The following CTBP2 variants were observed in gnomAD, a reference collection of about 807,000 sequenced individuals.
CTBP2 encodes the protein C-terminal-binding protein 2.
Under a neutral mutation model 80.3 loss-of-function variants are expected in CTBP2, and 30 were observed. The ratio of observed to expected loss-of-function variants is 0.37; its 90% confidence interval spans 0.28 to 0.51. CTBP2 has a LOEUF of 0.51. CTBP2 is among the 20% of genes least tolerant of loss of function. CTBP2 has a pLI of 0.93. For missense variants in CTBP2, 1,212 were observed against 1,375.3 expected (o/e 0.88, Z 1.88); for synonymous variants, 594 against 587.4 (o/e 1.01, Z -0.16).
intron 1 of CTBP2, among the ~76,000 whole-genome samples, chr10:125,159,148 C>T (rs1037241365): frequency 3.3e-5 from 5 of 151,072 alleles, no homozygotes; most frequent in African/African-American, 9.7e-5. Context: ...CGCGCGGGGC[C>T]GTCCGGCGCC....
intron 3 of CTBP2, among the ~76,000 whole-genome samples, chr10:125,036,279 C>T (rs933011382): frequency 6.6e-6 from 1 of 152,132 alleles, no homozygotes; most frequent in African/African-American, 2.4e-5. Flanking sequence ...GCTCAGATTC[C>T]AGCGGAGTAC....
At chr10:125,152,222 A>AG (rs1321918277) in intron 1 of CTBP2, among the ~76,000 whole-genome samples, 1 of 149,308 alleles carries the variant, frequency 6.7e-6, no homozygotes, top group Non-Finnish European at 1.5e-5. Flanking sequence ...CTCGGGAGCC[A>AG]GGAACCCCGG....
intron 1 of CTBP2, among the ~76,000 whole-genome samples, chr10:125,157,787 T>A (rs557100437): frequency 1.3e-5 from 2 of 152,340 alleles, no homozygotes; most frequent in Non-Finnish European, 2.9e-5. Flanking sequence ...ACGGCTAACA[T>A]CCAACTTCAA....
intron 3 of CTBP2, chr10:124,999,263 G>A (rs1954093518): frequency 6.6e-6 from 1 of 152,278 alleles, no homozygotes; most frequent in Non-Finnish European, 1.5e-5. Context: ...CCTAATCCCA[G>A]CTTTGGGACC....
intron 2 of CTBP2, among the ~76,000 whole-genome samples, chr10:125,049,046 G>GACACACACACACAC (rs1178000125): frequency 0.031 from 2,766 of 89,472 alleles, 110 homozygotes; most frequent in East Asian, 0.095. Flanking sequence ...CCTGACCACA[G>GACACACACACACAC]ACACACACAC....
At chr10:125,002,007 A>T (rs1453646233) in intron 3 of CTBP2, among the ~76,000 whole-genome samples, 1 of 152,204 alleles carries the variant, frequency 6.6e-6, no homozygotes, top group African/African-American at 2.4e-5. Flanking sequence ...TCCCGGAAGC[A>T]CCGGGGCCCA....
Position 124,986,189 on chromosome 10 carries a change from C to T in CTBP2, c.*3329G>A, listed in dbSNP as rs1952029702. On this transcript the variant is annotated 3_prime_UTR_variant, in exon 9 of 9. Coordinates refer to ENST00000309035, the MANE Select transcript of CTBP2 (RefSeq NM_022802.3). ...TTCAATACTGGGTAAAAATTTCAGACCTATCTCAGGAACACAGAAATATTT... is the reference window on the plus strand; with the variant it reads ...TTCAATACTGGGTAAAAATTTCAGATCTATCTCAGGAACACAGAAATATTT... 6.6e-6 allele frequency: 1 copy of T among 152,326 alleles called. No individual in the cohort carries two copies. The highest frequency in any genetic ancestry group is 1.5e-5 in the Non-Finnish European group (1 of 68,010). The allele number at this position is 152,326 out of a possible 1,614,324, so 9.4% of individuals were successfully genotyped here. A position where few individuals can be genotyped will look rare whatever the true frequency, so the allele number is the denominator to read the frequency against.
chr10:125,098,173 C>A (rs530050093), intron 2 of CTBP2, among the ~76,000 whole-genome samples: 1 of 152,294 alleles, frequency 6.6e-6, no homozygotes, highest in East Asian at 1.9e-4. Context: ...CAGCAGCAGT[C>A]AGTAATCAAT....
At position 125,060,006 on chromosome 10, in the gene CTBP2, C is replaced by G. The variant is rs561165886; in HGVS notation, c.-101-20851G>C. ...GACACACCTGAGCCTGCCCCACTGC[C>G]CATCCCTGGAGTCATCCTTCCCGGG... On this transcript the variant is annotated intron_variant, in intron 2 of 10. Coordinates refer to the CTBP2 transcript ENST00000337195. Among the ~76,000 whole-genome samples the G allele has an allele frequency of 2.0e-5, 3 of 152,328 alleles. No homozygotes were observed. In the South Asian group the frequency reaches 6.2e-4, roughly 32 times the overall value.
intron 2 of CTBP2, among the ~76,000 whole-genome samples, chr10:125,077,825 G>A (rs537652740): frequency 6.6e-6 from 1 of 152,054 alleles, no homozygotes; most frequent in Non-Finnish European, 1.5e-5. Flanking sequence ...TAGTCCAAAC[G>A]GGGCCACCAT....
At chr10:125,069,558 G>C (rs1210646500) in intron 2 of CTBP2, among the ~76,000 whole-genome samples, 1 of 152,240 alleles carries the variant, frequency 6.6e-6, no homozygotes, top group Non-Finnish European at 1.5e-5. Context: ...GGCAGAGGTT[G>C]TAGTGAGCCT....
In CTBP2 at chr10:125,153,411, G is replaced by A. The variant is rs542569135; in HGVS notation, c.-206+6908C>T. 3.3e-5 allele frequency among the ~76,000 whole-genome samples: 5 copies of A among 152,306 alleles called. No individual in the cohort carries two copies. In the South Asian group the frequency reaches 6.2e-4, roughly 19 times the overall value. On this transcript the variant is annotated intron_variant, in intron 1 of 10. Transcript: ENST00000337195. ...GACCTGAACAAGCAGCGGATAAGCC[G>A]ACTGTGTTTGCACTTCTAGACTGCA...
chr10:125,051,562 C>T (rs1176576625), intron 2 of CTBP2, among the ~76,000 whole-genome samples: 1 of 152,006 alleles, frequency 6.6e-6, no homozygotes, highest in East Asian at 1.9e-4. Flanking sequence ...ATTGCTTGAA[C>T]CCAGGGGACA....
rs531029988 is a variant in CTBP2 at position 125,007,075 on chromosome 10, C to T, written c.1679-3583G>A. 3.3e-5 allele frequency among the ~76,000 whole-genome samples: 5 copies of T among 152,190 alleles called. No homozygotes were observed. The South Asian group carries it at 1.0e-3, about 32-fold the overall frequency. On this transcript the variant is annotated intron_variant, in intron 1 of 8. Coordinates refer to ENST00000309035, the MANE Select transcript of CTBP2 (RefSeq NM_022802.3). Reference sequence around the variant, plus strand: ...GGACGAGGGTCACAGGGCCCTGGTGCCCTCTATGCGCTATTTTTCCTTTCT... The same window carrying T: ...GGACGAGGGTCACAGGGCCCTGGTGTCCTCTATGCGCTATTTTTCCTTTCT...
chr10:125,132,853 T>C (rs2136145780), intron 1 of CTBP2, among the ~76,000 whole-genome samples: 1 of 152,354 alleles, frequency 6.6e-6, no homozygotes, highest in Admixed American at 6.5e-5. Flanking sequence ...TATTTTCACA[T>C]CATCCTAATG....
At chr10:125,151,040 G>C (rs1367603059) in intron 1 of CTBP2, among the ~76,000 whole-genome samples, 1 of 151,940 alleles carries the variant, frequency 6.6e-6, no homozygotes, top group Non-Finnish European at 1.5e-5. Flanking sequence ...TCAGGGCAAC[G>C]CAACAACACA....
intron 2 of CTBP2, among the ~76,000 whole-genome samples, chr10:125,056,196 GTAATAA>G (rs1161257545): frequency 6.0e-4 from 88 of 147,734 alleles, no homozygotes; most frequent in African/African-American, 1.9e-3. Context: ...AATAATAATA[GTAATAA>G]TAATAATAAT....
rs1959166693 is a variant in CTBP2 at position 125,038,975 on chromosome 10, A to G, written c.58+22T>C. ...GTGAGGGACTACGTATGTTTGGTAAAAACCGCCAAACACGCTCTTACCTTC... is the reference window on the plus strand; with the variant it reads ...GTGAGGGACTACGTATGTTTGGTAAGAACCGCCAAACACGCTCTTACCTTC... On this transcript the variant is annotated intron_variant, in intron 3 of 10. Coordinates refer to the CTBP2 transcript ENST00000337195. The G allele has an allele frequency of 3.1e-6, 5 of 1,610,976 alleles. No individual in the cohort carries two copies. In the South Asian group the frequency reaches 5.5e-5, roughly 18 times the overall value.
At chr10:125,100,932 C>T (rs910616462) in intron 2 of CTBP2, among the ~76,000 whole-genome samples, 2 of 152,174 alleles carry the variant, frequency 1.3e-5, no homozygotes, top group Non-Finnish European at 2.9e-5. Flanking sequence ...CTTGTTATTA[C>T]TACTATTTTT....
Sources: gnomAD v4.1 joint callset for allele counts (sites outside exome capture counted in the v4.1 genomes callset) on GRCh38, gnomAD v4.1.1 for gene constraint, MANE v1.5 for transcripts, NCBI Gene and HGNC (gene_info 2026-07-23, HGNC 2026-07-21) for gene names.